The following SLC24A3 variants were observed in gnomAD, a reference collection of about 807,000 sequenced individuals.
SLC24A3 encodes sodium/potassium/calcium exchanger 3.
SLC24A3 carries 28 observed loss-of-function variants against 75.8 expected under a neutral mutation model. The ratio of observed to expected loss-of-function variants is 0.37; its 90% confidence interval spans 0.27 to 0.51. The LOEUF (loss-of-function observed/expected upper bound fraction) is 0.51. Among genes scored for constraint, SLC24A3 ranks in the 20% least tolerant of loss-of-function variants. The pLI, the probability that SLC24A3 is intolerant of heterozygous loss-of-function variation, is 0.94. For synonymous variants in SLC24A3, 372 were observed against 334.1 expected (o/e 1.11, Z -1.24); for missense variants, 663 against 847.8 (o/e 0.78, Z 2.71).
chr20:19,709,494 C>CA (rs1350399925), intron 15 of SLC24A3, among the ~76,000 whole-genome samples: 1 of 152,170 alleles, frequency 6.6e-6, no homozygotes, highest in Non-Finnish European at 1.5e-5. Context: ...TGGTGGCACA[C>CA]ACCTATAGTC....
chr20:19,469,772 T>C (rs998596251), intron 2 of SLC24A3, among the ~76,000 whole-genome samples: 8 of 152,212 alleles, frequency 5.3e-5, no homozygotes, highest in Non-Finnish European at 5.9e-5. Context: ...GCCTGAGGTC[T>C]CTATCCATTA....
chr20:19,708,021 G>C (rs2032948513), intron 15 of SLC24A3, among the ~76,000 whole-genome samples: 1 of 152,110 alleles, frequency 6.6e-6, no homozygotes, highest in South Asian at 2.1e-4. Flanking sequence ...ATGTTGGATG[G>C]GGGAAGAAAC....
intron 2 of SLC24A3, among the ~76,000 whole-genome samples, chr20:19,504,680 G>A (rs1988437170): frequency 6.6e-6 from 1 of 152,154 alleles, no homozygotes; most frequent in African/African-American, 2.4e-5. Context: ...CAGACCCTAG[G>A]TCATCCATTC....
At chr20:19,701,831 A>AG (rs1190394678) in intron 15 of SLC24A3, among the ~76,000 whole-genome samples, 2 of 152,036 alleles carry the variant, frequency 1.3e-5, no homozygotes, top group Admixed American at 1.3e-4. Context: ...AAGAAGAAGA[A>AG]AAAAAAACCT....
At chr20:19,708,762 G>T (rs1233199906) in intron 15 of SLC24A3, among the ~76,000 whole-genome samples, 1 of 152,198 alleles carries the variant, frequency 6.6e-6, no homozygotes, top group Non-Finnish European at 1.5e-5. Flanking sequence ...GGCTTCTCAA[G>T]GTTATTCAAA....
chr20:19,375,016 G>C (rs540960983), intron 2 of SLC24A3, among the ~76,000 whole-genome samples: 1 of 152,116 alleles, frequency 6.6e-6, no homozygotes, highest in African/African-American at 2.4e-5. Context: ...GGAAGCCCCA[G>C]GTACACCCAG....
intron 7 of SLC24A3, among the ~76,000 whole-genome samples, chr20:19,663,330 GAGA>G (rs1345602599): frequency 6.8e-6 from 1 of 146,578 alleles, no homozygotes; most frequent in Non-Finnish European, 1.5e-5. Context: ...CCTCTCAAAG[GAGA>G]AGGATAAACC....
At chr20:19,288,034 C>G (rs1186594123) in intron 2 of SLC24A3, among the ~76,000 whole-genome samples, 1 of 152,152 alleles carries the variant, frequency 6.6e-6, no homozygotes, top group African/African-American at 2.4e-5. Flanking sequence ...TCTTTGCTGC[C>G]AGAAATACAG....
intron 15 of SLC24A3, among the ~76,000 whole-genome samples, chr20:19,716,804 G>A (rs1025915982): frequency 1.3e-5 from 2 of 151,998 alleles, no homozygotes; most frequent in African/African-American, 4.8e-5. Context: ...TGGCTGGGAG[G>A]TTGAGGCTAT....
At chr20:19,458,376 C>T (rs1008914208) in intron 2 of SLC24A3, among the ~76,000 whole-genome samples, 2 of 152,118 alleles carry the variant, frequency 1.3e-5, no homozygotes, top group Non-Finnish European at 2.9e-5. Flanking sequence ...GTCGTAAATA[C>T]AAAATTTGCC....
intron 2 of SLC24A3, among the ~76,000 whole-genome samples, chr20:19,367,472 C>CA (rs980368739): frequency 2.8e-5 from 4 of 143,218 alleles, no homozygotes; most frequent in Non-Finnish European, 4.5e-5. Context: ...AACAAACAAA[C>CA]AAAAAAAGAA....
intron 2 of SLC24A3, among the ~76,000 whole-genome samples, chr20:19,325,795 T>TATATATATAGAG (rs1251419875): frequency 1.3e-3 from 91 of 67,782 alleles, no homozygotes; most frequent in East Asian, 5.0e-3. Flanking sequence ...TATATATATA[T>TATATATATAGAG]AGAGAGAGAG....
rs1460379192 is a variant in SLC24A3 at position 19,685,318 on chromosome 20, C to T, written c.1281C>T (p.Asp427=). Reference sequence around the variant, plus strand: ...AGAATGATGAGGAGGAAGAGGAGGACGAGGATGATGATGAAGGACCGTACA... The same window carrying T: ...AGAATGATGAGGAGGAAGAGGAGGATGAGGATGATGATGAAGGACCGTACA... ...DNENDEEEEE[D]EDDDEGPYTP... is the part of the protein sequence containing the mutation. The change falls in exon 12 of 17, where the codon GAC becomes GAT. Residue 427 remains aspartate (D), a synonymous_variant. Transcript: ENST00000328041. 11 of 1,613,942 alleles carry T rather than the reference C, an allele frequency of 6.8e-6. No individual in the cohort carries two copies. Among genetic ancestry groups the T allele is most frequent in the Admixed American group, 1.7e-5 (1 of 60,002 alleles).
chr20:19,385,755 C>T (rs904031988), intron 2 of SLC24A3, among the ~76,000 whole-genome samples: 12 of 151,850 alleles, frequency 7.9e-5, no homozygotes, highest in Non-Finnish European at 1.6e-4. Flanking sequence ...GATCCTCTTA[C>T]CTCAGCCTTG....
chr20:19,263,937 CATT>C (rs1212773600), intron 1 of SLC24A3: 4 of 151,916 alleles, frequency 2.6e-5, no homozygotes, highest in Non-Finnish European at 5.9e-5. Flanking sequence ...AAGAGAGAAA[CATT>C]ATCAGAAAAT....
chr20:19,415,422 C>T (rs540865695), intron 2 of SLC24A3, among the ~76,000 whole-genome samples: 1 of 152,164 alleles, frequency 6.6e-6, no homozygotes, highest in African/African-American at 2.4e-5. Flanking sequence ...TACAAACCCT[C>T]AAGTCCACTC....
chr20:19,247,684 C>T (rs575025077), intron 1 of SLC24A3, among the ~76,000 whole-genome samples: 40 of 152,288 alleles, frequency 2.6e-4, no homozygotes, highest in African/African-American at 9.1e-4. Flanking sequence ...AAGAATGTGA[C>T]TATTTCCTTA....
At chr20:19,413,053 A>T (rs567909290) in intron 2 of SLC24A3, among the ~76,000 whole-genome samples, 2 of 152,170 alleles carry the variant, frequency 1.3e-5, no homozygotes, top group African/African-American at 4.8e-5. Context: ...CTGATGCTCA[A>T]CTGGGACACT....
intron 2 of SLC24A3, among the ~76,000 whole-genome samples, chr20:19,398,199 T>G (rs1226180554): frequency 1.3e-5 from 2 of 152,162 alleles, no homozygotes; most frequent in Non-Finnish European, 2.9e-5. Flanking sequence ...GTAACTTTTT[T>G]CTTCTTCTTT....
Sources: gnomAD v4.1 joint callset for allele counts (sites outside exome capture counted in the v4.1 genomes callset) on GRCh38, gnomAD v4.1.1 for gene constraint, MANE v1.5 for transcripts, NCBI Gene and HGNC (gene_info 2026-07-23, HGNC 2026-07-21) for gene names.